The following SCNN1D variants were observed in gnomAD, a reference collection of about 807,000 sequenced individuals.
SCNN1D encodes the protein epithelial sodium channel subunit delta.
Under a neutral mutation model 87.8 loss-of-function variants are expected in SCNN1D, and 104 were observed. The ratio of observed to expected loss-of-function variants is 1.18; its 90% CI spans 1.01 to 1.39. The LOEUF is 1.39. SCNN1D is among the 40% of genes most tolerant of loss of function. SCNN1D has a pLI of 0.00. For synonymous variants in SCNN1D, 628 were observed against 481.2 expected (o/e 1.31, Z -3.99); for missense variants, 1,324 against 1,093.9 (o/e 1.21, Z -2.97).
In SCNN1D at chr1:1,290,662, G is replaced by C; in HGVS notation, c.1885G>C (p.Gly629Arg). ...GGAGTCTGCATTCAAGCTCTCCACTGGGACCTCCAGGTGGCCTTCCGCCAA... is the reference window on the plus strand; with the variant it reads ...GGAGTCTGCATTCAAGCTCTCCACTCGGACCTCCAGGTGGCCTTCCGCCAA... ...CRESAFKLST[G>R]TSRWPSAKSA... Residue 629 changes from glycine (G) to arginine (R), a missense_variant, in exon 15 of 18, where the codon GGG becomes CGG. Transcript: ENST00000379116. 6.2e-7 allele frequency: 1 copy of C among 1,612,646 alleles called. No individual in the cohort carries two copies. The highest frequency in any genetic ancestry group is 8.5e-7 in the Non-Finnish European group (1 of 1,179,934).
At chr1:1,288,580 T>C (rs1640686976) in intron 12 of SCNN1D, among the ~76,000 whole-genome samples, 1 of 65,408 alleles carries the variant, frequency 1.5e-5, no homozygotes, top group Non-Finnish European at 3.0e-5. Context: ...CCCGTGTCTC[T>C]GCTCCGTCCC....
intron 1 of SCNN1D, 113 bp downstream of exon 1, chr1:1,280,779 T>G: frequency 1.5e-6 from 1 of 654,392 alleles, no homozygotes; most frequent in South Asian, 1.6e-5. Context: ...ATAATTTTAT[T>G]TTTGGTTTAT....
At position 1,287,172 on chromosome 1, in the gene SCNN1D, G is replaced by T. The variant is rs1192123974; in HGVS notation, c.1183G>T (p.Asp395Tyr). ...CACGTCAGGCGTGGCGGCTGTCCAG[G>T]ACTGGTACCACTTCCACTATGTGGA... ...GYTSGVAAVQ[D>Y]WYHFHYVDIL... is the part of the protein sequence containing the mutation. Residue 395 changes from aspartate to tyrosine, a missense_variant, in exon 9 of 18, where the codon GAC becomes TAC. Asp to Tyr is a radical substitution (Grantham distance 160). Transcript: ENST00000379116. 1 of 1,612,236 alleles carries T rather than the reference G, an allele frequency of 6.2e-7. No individual in the cohort carries two copies. The highest frequency in any genetic ancestry group is 1.7e-5 in the Admixed American group (1 of 59,992).
At position 1,286,242 on chromosome 1, in the gene SCNN1D, T is replaced by A. The variant is rs1640588201; in HGVS notation, c.875T>A (p.Leu292His). The A allele has an allele frequency of 6.3e-7, 1 of 1,592,496 alleles. No homozygotes were observed. The highest frequency in any genetic ancestry group is 8.5e-7 in the Non-Finnish European group (1 of 1,174,790). ...AVSVHSERKL[L>H]PLVTLCDGNP... ...TCTGTGCACTCGGAGCGCAAGCTGC[T>A]CCCGCTGGTCACCCTGTGTGACGGG... is the stretch of plus-strand genomic sequence containing the variant. Residue 292 changes from leucine to histidine, a missense_variant, in exon 7 of 18, where the codon CTC becomes CAC. Transcript: ENST00000379116.
Position 1,283,975 on chromosome 1 carries a change from T to C in SCNN1D, c.352-3T>C. 6.9e-7 allele frequency: 1 copy of C among 1,451,586 alleles called. No individual in the cohort carries two copies. Among genetic ancestry groups the C allele is most frequent in the Non-Finnish European group, 9.1e-7 (1 of 1,104,082 alleles). The allele number at this position is 1,451,586 out of a possible 1,614,324, so 89.9% of individuals were successfully genotyped here. A position where few individuals can be genotyped will look rare whatever the true frequency, so the allele number is the denominator to read the frequency against. On this transcript the variant is annotated splice_region_variant and splice_polypyrimidine_tract_variant and intron_variant, in intron 4 of 17. Coordinates refer to ENST00000379116, the MANE Select transcript of SCNN1D (RefSeq NM_001130413.4). ...CCACGCCCAGCCAGCCTGTTTTAAA[T>C]AGGAGGCCAGAGGCTCCATCCTGCT...
chr1:1,286,995 C>A lies in SCNN1D; in HGVS notation c.1119+20C>A. 1 of 1,605,876 alleles carries A rather than the reference C, an allele frequency of 6.2e-7. No homozygotes were observed. The highest frequency in any genetic ancestry group is 8.5e-7 in the Non-Finnish European group (1 of 1,175,400). On this transcript the variant is annotated intron_variant, in intron 8 of 17. Coordinates refer to ENST00000379116, the MANE Select transcript of SCNN1D (RefSeq NM_001130413.4). ...AGACTGGTGAGTGTCCCAGCCGGGG[C>A]CTGCAGCCATCAGGGCCTTGAGCTG...
chr1:1,281,805 C>T (rs1467019484), intron 3 of SCNN1D, 195 bp downstream of exon 3: 1 of 609,894 alleles, frequency 1.6e-6, no homozygotes, highest in South Asian at 2.0e-5. Flanking sequence ...GCAAGCTGCC[C>T]TTTGGCTGGA....
At chr1:1,282,999 G>A (rs973742568) in intron 4 of SCNN1D, among the ~76,000 whole-genome samples, 4 of 152,044 alleles carry the variant, frequency 2.6e-5, no homozygotes, top group South Asian at 4.1e-4. Context: ...TGATCCGCCC[G>A]CCTCGGCCTC....
rs143343962 is a variant in SCNN1D, at chr1:1,290,505, C to T, written c.1809C>T (p.Asp603=). Residue 603 remains aspartate, a synonymous_variant, in exon 14 of 18, where the codon GAC becomes GAT. Coordinates refer to ENST00000379116, the MANE Select transcript of SCNN1D (RefSeq NM_001130413.4). ...WGHCFYRLYQ[D]LETHRLPCTS... ...ACTGCTTCTACCGCCTCTACCAGGA[C>T]CTGGAGACCCACCGGCTCCCCTGTA... The T allele has an allele frequency of 1.1e-4, 175 of 1,612,592 alleles. No individual in the cohort carries two copies. The highest frequency in any genetic ancestry group is 1.4e-4 in the Non-Finnish European group (164 of 1,179,938).
chr1:1,281,332 G>A, intron 2 of SCNN1D, 35 bp downstream of exon 2: 3 of 1,535,420 alleles, frequency 2.0e-6, no homozygotes, highest in Non-Finnish European at 2.6e-6. Context: ...AATGGGGCCT[G>A]GCCGTCTTTC....
chr1:1,281,977 C>T (rs922645716), intron 3 of SCNN1D: 22 of 577,408 alleles, frequency 3.8e-5, no homozygotes, highest in Admixed American at 6.7e-5. Context: ...GCCAAGTAGC[C>T]GCCCGGGCCA....
Position 1,287,974 on chromosome 1 carries a change from C to G in SCNN1D, c.1599C>G (p.His533Gln). 1.3e-6 allele frequency: 2 copies of G among 1,547,220 alleles called. No homozygotes were observed. Among genetic ancestry groups the G allele is most frequent in the South Asian group, 2.4e-5 (2 of 83,812 alleles). Residue 533 changes from histidine (H) to glutamine (Q), a missense_variant, in exon 12 of 18, where the codon CAC becomes CAG. Transcript: ENST00000379116. ...EVHRLGSPYGHCTAGGEGVEV... is the reference protein window; with the variant it reads ...EVHRLGSPYGQCTAGGEGVEV... ...ACCGGCTCGGGAGCCCCTACGGCCA[C>G]TGCACCGCCGGCGGGGAAGGCGTGG...
Position 1,291,519 on chromosome 1 carries a change from T to A in SCNN1D, c.2318T>A (p.Leu773His), listed in dbSNP as rs773877342. Residue 773 changes from leucine (L) to histidine (H), a missense_variant, in exon 18 of 18, where the codon CTC (leucine) becomes CAC (histidine). Transcript: ENST00000379116. ...SDDPEPSGPH[L>H]PRVMLPGVLA... ...GACCCGGAGCCCAGCGGGCCTCATC[T>A]CCCACGGGTGATGCTTCCAGGGGTT... is the stretch of plus-strand genomic sequence containing the variant. 3.1e-6 allele frequency: 5 copies of A among 1,606,952 alleles called. No homozygotes were observed. In the South Asian group the frequency reaches 5.5e-5, roughly 18 times the overall value.
chr1:1,287,459 G>A (rs1253184537), intron 9 of SCNN1D, 49 bp from the exon 10 acceptor site: 13 of 1,502,178 alleles, frequency 8.7e-6, no homozygotes, highest in Middle Eastern at 1.8e-4. Flanking sequence ...CCAGCGTGAC[G>A]GGCGCGGGCA....
chr1:1,280,660 G>C lies in SCNN1D; in HGVS notation c.-2G>C, dbSNP rs769808402. ...GTGCCTGAATTCCAGCAGGGAGGAG[G>C]CATGAGGTGCGTCCGACTCCCTTCC... On this transcript the variant is annotated 5_prime_UTR_variant, in exon 1 of 18. Transcript: ENST00000379116. The C allele has an allele frequency of 1.4e-6, 1 of 701,148 alleles. No individual in the cohort carries two copies. The allele number at this position is 701,148 out of a possible 1,614,324, so 43.4% of individuals were successfully genotyped here. A position where few individuals can be genotyped will look rare whatever the true frequency, so the allele number is the denominator to read the frequency against.
chr1:1,285,880 C>G, intron 6 of SCNN1D, 46 bp from the exon 7 acceptor site: 1 of 1,500,170 alleles, frequency 6.7e-7, no homozygotes, highest in Non-Finnish European at 8.9e-7. Context: ...GTAGGGAGGC[C>G]TGAGTGGGTG....
At chr1:1,283,108 C>G (rs1011924598) in intron 4 of SCNN1D, among the ~76,000 whole-genome samples, 7 of 152,004 alleles carry the variant, frequency 4.6e-5, no homozygotes, top group Non-Finnish European at 7.4e-5. Flanking sequence ...TGGGTGTGGA[C>G]TGAAAGTCTT....
rs1251046370 is a variant in SCNN1D, at chr1:1,291,732, G to C, written c.*122G>C. 4.8e-5 allele frequency: 32 copies of C among 661,482 alleles called. No homozygotes were observed. The highest frequency in any genetic ancestry group is 7.9e-5 in the South Asian group (3 of 37,884). 41.0% of individuals were successfully genotyped at this position (661,482 alleles called of 1,614,324 possible). A position where few individuals can be genotyped will look rare whatever the true frequency, so the allele number is the denominator to read the frequency against. On this transcript the variant is annotated 3_prime_UTR_variant, in exon 18 of 18. Coordinates refer to ENST00000379116, the MANE Select transcript of SCNN1D (RefSeq NM_001130413.4). Reference sequence around the variant, plus strand: ...CCCAGGAAGCAGCACACGCGGCCGTGGGGAGGCAGGCACCGGGCATGTCGG... The same window carrying C: ...CCCAGGAAGCAGCACACGCGGCCGTCGGGAGGCAGGCACCGGGCATGTCGG...
Position 1,287,091 on chromosome 1 carries a change from C to A in SCNN1D, c.1120-18C>A, listed in dbSNP as rs1461941900. ...CTGGGCTGTAGCCACAGAGCTGACC[C>A]TCCCTCCCCTCTCCCAGTGCAACAG... On this transcript the variant is annotated intron_variant, in intron 8 of 17. Coordinates refer to ENST00000379116, the MANE Select transcript of SCNN1D (RefSeq NM_001130413.4). The A allele has an allele frequency of 3.2e-6, 5 of 1,583,928 alleles. No individual in the cohort carries two copies. Among genetic ancestry groups the A allele is most frequent in the African/African-American group, 1.3e-5 (1 of 74,528 alleles).
Sources: allele counts gnomAD v4.1 joint callset (sites outside exome capture counted in the v4.1 genomes callset), GRCh38; gene constraint gnomAD v4.1.1; transcripts MANE v1.5; gene names NCBI Gene and HGNC (gene_info 2026-07-23, HGNC 2026-07-21).